The following EBF1 variants were observed in gnomAD, a reference collection of about 807,000 sequenced individuals.
The protein encoded by EBF1 is EBF transcription factor 1.
A neutral mutation model predicts 68.4 loss-of-function variants in EBF1; 10 were observed. The observed-to-expected ratio is 0.15, with a 90% confidence interval of 0.09 to 0.25. EBF1 has a LOEUF of 0.25. EBF1 is among the 10% of genes least tolerant of loss of function. EBF1 has a pLI of 1.00. For missense variants in EBF1, 509 were observed against 794.4 expected (o/e 0.64, Z 4.32); for synonymous variants, 298 against 299.8 (o/e 0.99, Z 0.06).
rs1424341785 is a variant in EBF1, at chr5:158,844,491, A to G, written c.555-4381T>C. Among the ~76,000 whole-genome samples the G allele has an allele frequency of 2.0e-5, 3 of 152,208 alleles. No homozygotes were observed. In the East Asian group the frequency reaches 5.8e-4, roughly 29 times the overall value. On this transcript the variant is annotated intron_variant, in intron 6 of 15. Transcript: ENST00000313708. ...GGACTAGTCATGGTATGTGTTTTCC[A>G]TGAACTCTAGGATTTTATAAGTGAT...
chr5:158,928,495 C>T (rs542919310), intron 6 of EBF1, among the ~76,000 whole-genome samples: 6 of 152,294 alleles, frequency 3.9e-5, no homozygotes, highest in South Asian at 2.1e-4. Flanking sequence ...TCTGCAATTA[C>T]ATCAAAATCA....
At chr5:158,932,387 A>G (rs1308447696) in intron 6 of EBF1, among the ~76,000 whole-genome samples, 1 of 152,236 alleles carries the variant, frequency 6.6e-6, no homozygotes, top group Non-Finnish European at 1.5e-5. Context: ...AACATCAGGT[A>G]TAACACATAT....
At chr5:159,024,518 A>T (rs1203081716) in intron 6 of EBF1, among the ~76,000 whole-genome samples, 1 of 152,150 alleles carries the variant, frequency 6.6e-6, no homozygotes, top group Non-Finnish European at 1.5e-5. Flanking sequence ...AAATCACCCA[A>T]CGTGATCACC....
intron 10 of EBF1, among the ~76,000 whole-genome samples, chr5:158,777,062 T>C (rs1023704316): frequency 6.6e-6 from 1 of 152,194 alleles, no homozygotes; most frequent in African/African-American, 2.4e-5. Flanking sequence ...GTACTGTTCA[T>C]GAAAGCACAA....
intron 10 of EBF1, among the ~76,000 whole-genome samples, chr5:158,759,490 T>G (rs991743925): frequency 6.6e-6 from 1 of 151,828 alleles, no homozygotes; most frequent in Non-Finnish European, 1.5e-5. Context: ...GATCACAGAG[T>G]GGCTGGGGGA....
intron 6 of EBF1, among the ~76,000 whole-genome samples, chr5:158,891,487 G>C (rs1205694103): frequency 1.3e-5 from 2 of 152,084 alleles, no homozygotes; most frequent in Non-Finnish European, 2.9e-5. Flanking sequence ...TATTTCCTTT[G>C]GATTCGAAGT....
At chr5:158,782,280 CATAA>C (rs1299491606) in intron 9 of EBF1, among the ~76,000 whole-genome samples, 1 of 152,100 alleles carries the variant, frequency 6.6e-6, no homozygotes, top group African/African-American at 2.4e-5. Context: ...TGCTTTGTGC[CATAA>C]ATAGTGTCCT....
intron 6 of EBF1, among the ~76,000 whole-genome samples, chr5:159,042,286 G>A (rs10515791): frequency 0.17 from 25,863 of 152,008 alleles, 2,292 homozygotes; most frequent in Non-Finnish European, 0.2. Context: ...AAACCTTGAC[G>A]GTCCTTTCAT....
intron 6 of EBF1, among the ~76,000 whole-genome samples, chr5:158,847,049 T>TTCTTGGCCACTGATTTCAAG (rs1396049624): frequency 1.3e-5 from 2 of 152,156 alleles, no homozygotes; most frequent in Admixed American, 1.3e-4. Context: ...GCTGCCCCTA[T>TTCTTGGCCACTGATTTCAAG]TCTTGGCCAC....
intron 6 of EBF1, among the ~76,000 whole-genome samples, chr5:159,049,045 G>T (rs562990052): frequency 9.2e-5 from 14 of 152,278 alleles, no homozygotes; most frequent in African/African-American, 3.4e-4. Context: ...CCATTCCCCT[G>T]CATTCGTCAG....
intron 6 of EBF1, among the ~76,000 whole-genome samples, chr5:158,963,828 G>T (rs1483241998): frequency 6.6e-6 from 1 of 152,128 alleles, no homozygotes; most frequent in Non-Finnish European, 1.5e-5. Flanking sequence ...TTATTGCTTT[G>T]TTTCCTTCCT....
chr5:158,951,397 C>T (rs1406585081), intron 6 of EBF1, among the ~76,000 whole-genome samples: 1 of 152,184 alleles, frequency 6.6e-6, no homozygotes, highest in Non-Finnish European at 1.5e-5. Context: ...CTACTCCATT[C>T]TTTTTTTCCT....
intron 6 of EBF1, among the ~76,000 whole-genome samples, chr5:158,860,368 GA>G (rs1456992167): frequency 6.6e-6 from 1 of 152,132 alleles, no homozygotes; most frequent in East Asian, 1.9e-4. Flanking sequence ...TCTTGTTCAC[GA>G]CACTATTTGT....
intron 6 of EBF1, among the ~76,000 whole-genome samples, chr5:159,072,770 T>C (rs1414058225): frequency 6.6e-6 from 1 of 152,224 alleles, no homozygotes; most frequent in African/African-American, 2.4e-5. Flanking sequence ...AACAGATTTA[T>C]TGTTCTACGG....
intron 6 of EBF1, among the ~76,000 whole-genome samples, chr5:159,031,228 G>C (rs749416588): frequency 6.6e-6 from 1 of 152,220 alleles, no homozygotes; most frequent in Non-Finnish European, 1.5e-5. Flanking sequence ...CTGGGATGTG[G>C]AGAAGAGGTC....
intron 6 of EBF1, among the ~76,000 whole-genome samples, chr5:158,869,547 T>C (rs1233703716): frequency 2.0e-5 from 3 of 151,096 alleles, no homozygotes; most frequent in Non-Finnish European, 4.4e-5. Flanking sequence ...AGTGTTCTCT[T>C]TTTTTTCCCT....
intron 10 of EBF1, among the ~76,000 whole-genome samples, chr5:158,759,965 C>A (rs1037354123): frequency 6.6e-6 from 1 of 152,058 alleles, no homozygotes; most frequent in Non-Finnish European, 1.5e-5. Context: ...TTCATGTTTC[C>A]TCAATACTAC....
In EBF1 at chr5:158,814,135, C is replaced by G. The variant is rs373952462; in HGVS notation, c.778+9041G>C. Among the ~76,000 whole-genome samples, 4 of 152,266 alleles carry G rather than the reference C, an allele frequency of 2.6e-5. No homozygotes were observed. In the East Asian group the frequency reaches 7.7e-4, roughly 29 times the overall value. On this transcript the variant is annotated intron_variant, in intron 8 of 15. Transcript: ENST00000313708. ...CCAAGGGGATGTAATTGCTTAAGCC[C>G]GGGCATTGAAGACCAGCCTGAGCAA... is the stretch of plus-strand genomic sequence containing the variant.
intron 7 of EBF1, among the ~76,000 whole-genome samples, chr5:158,836,273 A>G (rs1788778074): frequency 6.6e-6 from 1 of 152,178 alleles, no homozygotes; most frequent in African/African-American, 2.4e-5. Context: ...GTGCATAAAT[A>G]GTGGTTAAGA....
Sources: gnomAD v4.1 joint callset for allele counts (sites outside exome capture counted in the v4.1 genomes callset) on GRCh38, gnomAD v4.1.1 for gene constraint, MANE v1.5 for transcripts, NCBI Gene and HGNC (gene_info 2026-07-23, HGNC 2026-07-21) for gene names.